NTRK1: variants seen among roughly 807,000 people sequenced by gnomAD.
The protein encoded by NTRK1 is high affinity nerve growth factor receptor.
NTRK1 carries 62 observed loss-of-function variants against 86.8 expected under a neutral mutation model. The ratio of observed to expected loss-of-function variants is 0.71; its 90% CI spans 0.58 to 0.88. The LOEUF (loss-of-function observed/expected upper bound fraction) is 0.88. Among genes scored for constraint, NTRK1 ranks in the 40% least tolerant of loss-of-function variants. NTRK1 has a pLI of 0.00. For synonymous variants in NTRK1, 469 were observed against 456.6 expected, an observed-to-expected ratio of 1.03 and a Z score of -0.35; for missense variants, 967 against 1,078.4, an observed-to-expected ratio of 0.90 and a Z score of 1.45.
chr1:156,822,696 T>C (rs1205251734), intron 1 of NTRK1, among the ~76,000 whole-genome samples: 1 of 151,686 alleles, frequency 6.6e-6, no homozygotes, highest in Non-Finnish European at 1.5e-5. Flanking sequence ...CCCTCCTCCA[T>C]TCCAGATTCT....
At chr1:156,825,834 T>G (rs1380202312) in intron 1 of NTRK1, among the ~76,000 whole-genome samples, 1 of 152,200 alleles carries the variant, frequency 6.6e-6, no homozygotes, top group Admixed American at 6.5e-5. Context: ...GCAAACACTG[T>G]GCTAAGTGCT....
intron 1 of NTRK1, among the ~76,000 whole-genome samples, chr1:156,836,636 G>A (rs1654605689): frequency 6.6e-6 from 1 of 152,138 alleles, no homozygotes; most frequent in African/African-American, 2.4e-5. Context: ...TTTCATGGTG[G>A]GAGTGCTGAA....
intron 2 of NTRK1, chr1:156,844,233 CA>C (rs746253332): frequency 3.1e-6 from 5 of 1,613,856 alleles, no homozygotes; most frequent in Non-Finnish European, 3.4e-6. Context: ...GTGAGCCCCA[CA>C]GGGGTGGCAG....
chr1:156,844,554 G>A (rs373559732), intron 2 of NTRK1: 11 of 1,614,188 alleles, frequency 6.8e-6, no homozygotes, highest in Non-Finnish European at 8.5e-6. Flanking sequence ...GTTTCCAGGG[G>A]GCAGCAGGGC....
upstream of NTRK1, among the ~76,000 whole-genome samples, chr1:156,857,569 A>AG (rs1655454405): frequency 6.6e-6 from 1 of 152,128 alleles, no homozygotes; most frequent in Non-Finnish European, 1.5e-5. Context: ...GCAGAAGAGG[A>AG]GGGGGTTCGG....
chr1:156,849,147 G>A, intron 2 of NTRK1: 16 of 1,598,720 alleles, frequency 1.0e-5, no homozygotes, highest in Non-Finnish European at 1.4e-5. Flanking sequence ...CCTCTGAGGA[G>A]AACTTCTCAG....
intron 1 of NTRK1, among the ~76,000 whole-genome samples, chr1:156,863,110 G>A (rs1489224452): frequency 4.6e-5 from 7 of 152,126 alleles, no homozygotes; most frequent in African/African-American, 1.7e-4. Flanking sequence ...TCACTACAGG[G>A]CAGCCGAGTT....
intron 8 of NTRK1, 47 bp from the exon 9 acceptor site, chr1:156,874,336 C>T (rs2102908591): frequency 6.2e-7 from 1 of 1,611,776 alleles, no homozygotes; most frequent in East Asian, 2.2e-5. Flanking sequence ...CCTCTGACTG[C>T]TTTCTCTCCT....
intron 2 of NTRK1, chr1:156,848,927 T>C (rs1558088225): frequency 6.4e-7 from 1 of 1,570,854 alleles, no homozygotes; most frequent in East Asian, 2.3e-5. Context: ...TCACGACTCC[T>C]TGTAGTACAC....
chr1:156,859,326 C>G (rs1655525600), upstream of NTRK1, among the ~76,000 whole-genome samples: 1 of 152,104 alleles, frequency 6.6e-6, no homozygotes, highest in South Asian at 2.1e-4. This position sits in a 1 kb window ranked among gnomAD's most constrained non-coding sequence, Gnocchi z 6.2. Context: ...CCTCAAATCC[C>G]GCTGCGGCTG....
chr1:156,822,609 GAAAAAA>G (rs35686944), intron 1 of NTRK1, among the ~76,000 whole-genome samples: 2 of 81,328 alleles, frequency 2.5e-5, no homozygotes, highest in Admixed American at 2.5e-4. Flanking sequence ...TAAAAGATTA[GAAAAAA>G]AAAAAAAAAA....
chr1:156,874,355 C>T (rs2102908702), intron 8 of NTRK1, 28 bp from the exon 9 acceptor site: 1 of 1,614,088 alleles, frequency 6.2e-7, no homozygotes, highest in South Asian at 1.1e-5. Context: ...CTCCCTCTGA[C>T]TGCTTTCTCT....
intron 1 of NTRK1, among the ~76,000 whole-genome samples, chr1:156,818,383 T>A: frequency 6.6e-6 from 1 of 152,324 alleles, no homozygotes; most frequent in Non-Finnish European, 1.5e-5. Context: ...TTTGGCTACA[T>A]GGATAAGTTA....
At chr1:156,855,793 C>T (rs1264945459) in intron 2 of NTRK1, among the ~76,000 whole-genome samples, 1 of 152,008 alleles carries the variant, frequency 6.6e-6, no homozygotes, top group African/African-American at 2.4e-5. Context: ...CCACTGCACT[C>T]CAGCCTGGGC....
At chr1:156,874,325 C>A in intron 8 of NTRK1, 58 bp from the exon 9 acceptor site, 1 of 1,610,858 alleles carries the variant, frequency 6.2e-7, no homozygotes, top group East Asian at 2.2e-5. Context: ...CTTTCCTCCT[C>A]CCTCTGACTG....
chr1:156,844,358 T>TG, intron 2 of NTRK1: 2 of 1,543,774 alleles, frequency 1.3e-6, no homozygotes, highest in South Asian at 2.3e-5. Context: ...CTTTCCATGC[T>TG]GGGAGGTGAG....
chr1:156,818,655 C>T (rs912661365), intron 1 of NTRK1, among the ~76,000 whole-genome samples: 1 of 152,170 alleles, frequency 6.6e-6, no homozygotes, highest in Admixed American at 6.5e-5. Flanking sequence ...GACATTATTT[C>T]GTTCTTTTTT....
chr1:156,860,805 C>G (rs879534513), upstream of NTRK1: 216 of 1,336,350 alleles, frequency 1.6e-4, 1 homozygote, highest in Admixed American at 1.4e-3. Context: ...GGGCGGGGGC[C>G]GCTGGCTCCG....
rs947619334 is a variant in NTRK1 at position 156,844,384 on chromosome 1, G to A, written c.50+2191G>A. On this transcript the variant is annotated intron_variant, in intron 2 of 16. Transcript: ENST00000392302. ...GGGAGGTGAGGATGGGGAGGGATGC[G>A]GGGGAGGGGCCTGTGGTGGGCTGGG... The A allele has an allele frequency of 4.7e-5, 73 of 1,565,878 alleles. No homozygotes were observed. In the Middle Eastern group the frequency reaches 5.4e-4, roughly 11 times the overall value.
Sources: gnomAD v4.1 joint callset for allele counts (sites outside exome capture counted in the v4.1 genomes callset) on GRCh38, gnomAD v4.1.1 for gene constraint, Gnocchi (gnomAD v3.1) non-coding constraint, MANE v1.5 for transcripts, NCBI Gene and HGNC (gene_info 2026-07-23, HGNC 2026-07-21) for gene names.